Variants in ADGRB3 observed in about 807,000 individuals in gnomAD.
The protein encoded by ADGRB3 is brain-specific angiogenesis inhibitor 3.
Under a neutral mutation model 193.4 loss-of-function variants are expected in ADGRB3, and 37 were observed. That is an observed-to-expected ratio of 0.19 (90% CI 0.15 to 0.25). ADGRB3 has a LOEUF of 0.25. ADGRB3 is among the 10% of genes least tolerant of loss of function. ADGRB3 has a pLI of 1.00. For synonymous variants in ADGRB3, 690 were observed against 644.2 expected, an observed-to-expected ratio of 1.07 and a Z score of -1.08; for missense variants, 1,637 against 1,852.9, an observed-to-expected ratio of 0.88 and a Z score of 2.14.
intron 17 of ADGRB3, among the ~76,000 whole-genome samples, chr6:69,097,159 T>C (rs1772904114): frequency 6.6e-6 from 1 of 152,214 alleles, no homozygotes; most frequent in African/African-American, 2.4e-5. Context: ...TAAAGAAAGG[T>C]CGTGTTGATG....
intron 17 of ADGRB3, among the ~76,000 whole-genome samples, chr6:69,210,171 A>ATATATATATATATATATATAT (rs1561953604): frequency 2.0e-4 from 8 of 39,376 alleles, no homozygotes; most frequent in African/African-American, 1.5e-3. Context: ...TATATATATA[A>ATATATATATATATATATATAT]AGGGGAGTTT....
At chr6:68,881,285 T>C (rs1765722767) in intron 3 of ADGRB3, among the ~76,000 whole-genome samples, 1 of 152,180 alleles carries the variant, frequency 6.6e-6, no homozygotes, top group Non-Finnish European at 1.5e-5. Flanking sequence ...TCTCATATTT[T>C]CCGTGTGTTG....
intron 3 of ADGRB3, among the ~76,000 whole-genome samples, chr6:68,680,527 G>T (rs966303955): frequency 2.6e-5 from 4 of 152,134 alleles, no homozygotes; most frequent in African/African-American, 9.7e-5. Flanking sequence ...GGTAGAGCTG[G>T]TTAACCTTGC....
At chr6:68,721,463 C>A (rs1341246689) in intron 3 of ADGRB3, among the ~76,000 whole-genome samples, 3 of 144,034 alleles carry the variant, frequency 2.1e-5, no homozygotes, top group Non-Finnish European at 4.5e-5. Context: ...ACATCACACA[C>A]TGGGGCCTGT....
chr6:69,162,004 A>G (rs903737417), intron 17 of ADGRB3, among the ~76,000 whole-genome samples: 3 of 152,154 alleles, frequency 2.0e-5, no homozygotes, highest in African/African-American at 7.2e-5. Context: ...ATTTGGCAGA[A>G]GTAAATCAAT....
In ADGRB3 at chr6:68,639,108, G is replaced by A. The variant is rs1461733791; in HGVS notation, c.433G>A (p.Gly145Arg). The change falls in exon 3 of 32, where the codon GGG becomes AGG. Residue 145 changes from glycine to arginine, a missense_variant. By Grantham distance (125) the Gly-to-Arg change is moderately radical. Around this residue, in one of 7 missense-constraint regions of ADGRB3, gnomAD observed 365 missense variants for 409.8 expected, o/e 0.89. Transcript: ENST00000370598. ...TAATTTCCCAGGATTACAGAAAAAA[G>A]GGGAAGAAGATCAGAAATCTTTTTT... ...PTNFPGLQKK[G>R]EEDQKSFFEF... 1 of 1,614,004 alleles carries A rather than the reference G, an allele frequency of 6.2e-7. No homozygotes were observed. The highest frequency in any genetic ancestry group is 2.2e-5 in the East Asian group (1 of 44,886).
chr6:69,036,226 G>A (rs976717529), intron 13 of ADGRB3, among the ~76,000 whole-genome samples: 1 of 152,106 alleles, frequency 6.6e-6, no homozygotes, highest in Non-Finnish European at 1.5e-5. Flanking sequence ...AAAAGAGTTG[G>A]CATGAATTGA....
chr6:68,872,089 G>A (rs894690684), intron 3 of ADGRB3, among the ~76,000 whole-genome samples: 1 of 152,244 alleles, frequency 6.6e-6, no homozygotes, highest in African/African-American at 2.4e-5. Context: ...AATAAAGTGT[G>A]TAAACAGACA....
intron 17 of ADGRB3, among the ~76,000 whole-genome samples, chr6:69,081,178 A>C (rs972319651): frequency 3.3e-5 from 5 of 152,058 alleles, no homozygotes; most frequent in African/African-American, 1.2e-4. Context: ...AGAACTTTCC[A>C]TTATCCATTC....
At chr6:69,329,199 A>G (rs1328976042) in intron 22 of ADGRB3, among the ~76,000 whole-genome samples, 1 of 152,174 alleles carries the variant, frequency 6.6e-6, no homozygotes, top group East Asian at 1.9e-4. Context: ...ACACAAAAAT[A>G]CAGTGGGAAT....
At chr6:68,800,098 C>T (rs1274602986) in intron 3 of ADGRB3, among the ~76,000 whole-genome samples, 3 of 151,848 alleles carry the variant, frequency 2.0e-5, no homozygotes, top group Admixed American at 6.6e-5. Flanking sequence ...ACCACTGCAG[C>T]GGTTTATGAG....
intron 10 of ADGRB3, among the ~76,000 whole-genome samples, chr6:68,990,461 G>T (rs1350281383): frequency 6.6e-6 from 1 of 152,222 alleles, no homozygotes; most frequent in African/African-American, 2.4e-5. Context: ...AGCTGGTGTT[G>T]TCATCTGGGC....
chr6:69,275,877 G>A (rs569920769), intron 20 of ADGRB3, among the ~76,000 whole-genome samples: 31 of 152,168 alleles, frequency 2.0e-4, no homozygotes, highest in Non-Finnish European at 3.5e-4. Flanking sequence ...GTTCTTTCTG[G>A]AGGAAAGGAG....
At chr6:69,371,613 TATC>T (rs1461135916) in intron 29 of ADGRB3, among the ~76,000 whole-genome samples, 9 of 152,144 alleles carry the variant, frequency 5.9e-5, no homozygotes, top group African/African-American at 9.6e-5. Context: ...TTTATACTAA[TATC>T]ATGAAAATCA....
At chr6:69,069,047 T>C (rs1054410638) in intron 16 of ADGRB3, among the ~76,000 whole-genome samples, 44 of 152,220 alleles carry the variant, frequency 2.9e-4, no homozygotes, top group African/African-American at 1.1e-3. Context: ...TACAGTATTG[T>C]ATTCTCAATG....
chr6:68,839,107 C>CAT (rs1768100832), intron 3 of ADGRB3, among the ~76,000 whole-genome samples: 1 of 133,880 alleles, frequency 7.5e-6, no homozygotes. Context: ...CACACACACA[C>CAT]ACATTCCCAC....
chr6:69,339,261 T>C, intron 25 of ADGRB3, 72 bp from the exon 26 acceptor site: 1 of 1,530,936 alleles, frequency 6.5e-7, no homozygotes, highest in Non-Finnish European at 8.8e-7. Context: ...AAATGCTTTG[T>C]TGAATGGGGG....
intron 20 of ADGRB3, among the ~76,000 whole-genome samples, chr6:69,271,213 T>C (rs1045421512): frequency 1.3e-5 from 2 of 152,194 alleles, no homozygotes; most frequent in Non-Finnish European, 2.9e-5. Flanking sequence ...GTTTTCAGGA[T>C]GGTGGTTACC....
chr6:68,653,617 G>A (rs560505496), intron 3 of ADGRB3, among the ~76,000 whole-genome samples: 1 of 152,090 alleles, frequency 6.6e-6, no homozygotes, highest in Admixed American at 6.6e-5. Flanking sequence ...AATAAGTACA[G>A]TAATTGTATA....
Sources: allele counts gnomAD v4.1 joint callset (sites outside exome capture counted in the v4.1 genomes callset), GRCh38; gene constraint gnomAD v4.1.1; regional missense constraint gnomAD v4.1.1; transcripts MANE v1.5; gene names NCBI Gene and HGNC (gene_info 2026-07-23, HGNC 2026-07-21).